The following COPG2 variants were observed in gnomAD, a reference collection of about 807,000 sequenced individuals.
COPG2 encodes the protein coatomer subunit gamma-2.
A neutral mutation model predicts 46.3 loss-of-function variants in COPG2; 37 were observed. The observed-to-expected ratio is 0.80, with a 90% CI of 0.61 to 1.05. The LOEUF is 1.05. COPG2 is among the 50% of genes least tolerant of loss of function. The probability of loss-of-function intolerance (pLI) is 0.00; values close to 1 mark genes in which losing one functional copy is unlikely to be tolerated. For synonymous variants in COPG2, 159 were observed against 129.7 expected (o/e 1.23, Z -1.53); for missense variants, 427 against 387.8 (o/e 1.10, Z -0.85).
intron 11 of COPG2, among the ~76,000 whole-genome samples, chr7:130,562,450 T>C (rs1461366711): frequency 6.6e-6 from 1 of 152,238 alleles, no homozygotes; most frequent in Non-Finnish European, 1.5e-5. Context: ...TCTTCGACTG[T>C]TTACACAATT....
intron 20 of COPG2, among the ~76,000 whole-genome samples, chr7:130,512,473 ATATC>A (rs1180868770): frequency 6.6e-6 from 1 of 151,336 alleles, no homozygotes. Flanking sequence ...AAAAAAGTCT[ATATC>A]TATTTCTGTA....
chr7:130,567,770 T>C (rs1475860587), intron 9 of COPG2, among the ~76,000 whole-genome samples: 1 of 152,148 alleles, frequency 6.6e-6, no homozygotes, highest in Non-Finnish European at 1.5e-5. Flanking sequence ...GCTGAGAGAA[T>C]TCGCCACCAC....
chr7:130,589,122 A>AT (rs1303161072), intron 9 of COPG2, among the ~76,000 whole-genome samples: 4 of 152,166 alleles, frequency 2.6e-5, no homozygotes, highest in African/African-American at 9.7e-5. Context: ...CCAATCGTTA[A>AT]TTCAAAGGAT....
At chr7:130,629,399 A>AT (rs35503772) in intron 5 of COPG2, among the ~76,000 whole-genome samples, 3,586 of 140,556 alleles carry the variant, frequency 0.026, 113 homozygotes, top group African/African-American at 0.072. Flanking sequence ...TATTATTATC[A>AT]TTTTTTTTTT....
intron 9 of COPG2, chr7:130,603,671 A>T: frequency 2.9e-6 from 1 of 345,266 alleles, no homozygotes; most frequent in East Asian, 8.1e-5. Flanking sequence ...CAGTGAGCCA[A>T]GATGGCACCA....
chr7:130,538,055 G>C (rs1799899091), intron 20 of COPG2, among the ~76,000 whole-genome samples: 3 of 152,128 alleles, frequency 2.0e-5, no homozygotes, highest in African/African-American at 7.2e-5. Context: ...ACAGCAAGTT[G>C]AGGACATGGA....
chr7:130,605,689 T>C (rs1408081667), intron 9 of COPG2: 1 of 516,142 alleles, frequency 1.9e-6, no homozygotes, highest in Non-Finnish European at 3.9e-6. Flanking sequence ...ACCTACAGTC[T>C]CAAGGAAATG....
chr7:130,600,124 TTA>T (rs1554450182), intron 9 of COPG2, among the ~76,000 whole-genome samples: 1 of 152,230 alleles, frequency 6.6e-6, no homozygotes, highest in East Asian at 1.9e-4. Context: ...TCAAGAGGAC[TTA>T]GTTTCCTGTA....
chr7:130,532,727 T>G (rs1799840738), intron 20 of COPG2, among the ~76,000 whole-genome samples: 1 of 151,986 alleles, frequency 6.6e-6, no homozygotes, highest in Admixed American at 6.6e-5. Flanking sequence ...GAGTCAGGGT[T>G]GTGGTGTGCT....
At chr7:130,545,211 A>C (rs1423583795) in intron 20 of COPG2, among the ~76,000 whole-genome samples, 1 of 151,888 alleles carries the variant, frequency 6.6e-6, no homozygotes, top group Admixed American at 6.6e-5. Flanking sequence ...ATTTCATCCT[A>C]TAACAGTCCT....
intron 5 of COPG2, among the ~76,000 whole-genome samples, chr7:130,636,415 T>C (rs1388624321): frequency 2.0e-5 from 3 of 152,196 alleles, no homozygotes; most frequent in Non-Finnish European, 2.9e-5. Context: ...ATATTTCATA[T>C]ATTTAGGATA....
Position 130,506,536 on chromosome 7 carries a change from G to T in COPG2, c.*140C>A. The T allele has an allele frequency of 2.1e-6, 1 of 475,624 alleles. No homozygotes were observed. Among genetic ancestry groups the T allele is most frequent in the Non-Finnish European group, 3.7e-6 (1 of 268,504 alleles). 29.5% of individuals were successfully genotyped at this position (475,624 alleles called of 1,614,324 possible). ...GCAAAGATAGACATTTGCTTGATCT[G>T]CTGGCTCAGGGCCAAATGTTTAATT... On this transcript the variant is annotated 3_prime_UTR_variant, in exon 24 of 24. Coordinates refer to ENST00000425248, the MANE Select transcript of COPG2 (RefSeq NM_012133.6).
chr7:130,609,249 C>T (rs1554451684), intron 9 of COPG2, among the ~76,000 whole-genome samples: 1 of 152,126 alleles, frequency 6.6e-6, no homozygotes, highest in East Asian at 1.9e-4. Context: ...CAAATCTCAT[C>T]TTGAATTTCC....
At chr7:130,512,522 G>C (rs1319955496) in intron 20 of COPG2, among the ~76,000 whole-genome samples, 2 of 152,038 alleles carry the variant, frequency 1.3e-5, no homozygotes, top group African/African-American at 4.8e-5. Flanking sequence ...GCTCACACTT[G>C]TAATTCCAGC....
At chr7:130,551,937 T>C (rs1211154738) in intron 15 of COPG2, among the ~76,000 whole-genome samples, 6 of 152,218 alleles carry the variant, frequency 3.9e-5, no homozygotes, top group Non-Finnish European at 7.4e-5. Flanking sequence ...TAAGCCCCTG[T>C]TGTACAAATT....
chr7:130,513,304 A>ATAT (rs1420488791), intron 20 of COPG2, among the ~76,000 whole-genome samples: 4 of 48,464 alleles, frequency 8.3e-5, no homozygotes, highest in African/African-American at 3.1e-4. Flanking sequence ...AAAAAAAAAA[A>ATAT]AAAAATATAT....
intron 9 of COPG2, among the ~76,000 whole-genome samples, chr7:130,609,779 T>C (rs1794805931): frequency 6.6e-6 from 1 of 152,336 alleles, no homozygotes; most frequent in Admixed American, 6.5e-5. Flanking sequence ...CTGTGTCCAA[T>C]CTGCTATTAA....
At chr7:130,584,847 A>G (rs1794231887) in intron 9 of COPG2, among the ~76,000 whole-genome samples, 2 of 152,102 alleles carry the variant, frequency 1.3e-5, no homozygotes, top group African/African-American at 4.8e-5. Flanking sequence ...ATGCTCATGG[A>G]TGGGTAGAAT....
In COPG2 at chr7:130,665,620, T is replaced by C. The variant is rs547516867; in HGVS notation, c.171+1229A>G. Among the ~76,000 whole-genome samples, 5 of 152,318 alleles carry C rather than the reference T, an allele frequency of 3.3e-5. No individual in the cohort carries two copies. In the South Asian group the frequency reaches 8.3e-4, roughly 25 times the overall value. On this transcript the variant is annotated intron_variant, in intron 3 of 23. Transcript: ENST00000425248. ...TCTAGAGATTATAGTCTAAGTATTA[T>C]AATCACAGAGACAACTTATATATGG...
Sources: allele counts gnomAD v4.1 joint callset (sites outside exome capture counted in the v4.1 genomes callset), GRCh38; gene constraint gnomAD v4.1.1; transcripts MANE v1.5; gene names NCBI Gene and HGNC (gene_info 2026-07-23, HGNC 2026-07-21).